Variants in KCNJ13 observed in about 807,000 individuals in gnomAD.
The protein encoded by KCNJ13 is inward rectifier potassium channel 13.
KCNJ13 carries 9 observed loss-of-function variants against 24.6 expected under a neutral mutation model. The ratio of observed to expected loss-of-function variants is 0.37; its 90% CI spans 0.22 to 0.64. The LOEUF (loss-of-function observed/expected upper bound fraction) is 0.64. Ranked by LOEUF, KCNJ13 falls within the 30% of genes least tolerant of loss-of-function variation. KCNJ13 has a pLI of 0.64. For synonymous variants in KCNJ13, 148 were observed against 154.7 expected, an observed-to-expected ratio of 0.96 and a Z score of 0.32; for missense variants, 337 against 443.8, an observed-to-expected ratio of 0.76 and a Z score of 2.16.
At position 232,766,554 on chromosome 2, in the gene KCNJ13, C is replaced by T. The variant is rs1023311119; in HGVS notation, c.*1637G>A. 6.6e-6 allele frequency: 1 copy of T among 152,392 alleles called. No individual in the cohort carries two copies. Among genetic ancestry groups the T allele is most frequent in the Non-Finnish European group, 1.5e-5 (1 of 68,238 alleles). The allele number at this position is 152,392 out of a possible 1,614,324, so 9.4% of individuals were successfully genotyped here. ...GAATTCTTGCTGTCTTTATGTGTTACAATAGTCTTGGGTTGGGAAAATCTG... is the reference window on the plus strand; with the variant it reads ...GAATTCTTGCTGTCTTTATGTGTTATAATAGTCTTGGGTTGGGAAAATCTG... On this transcript the variant is annotated 3_prime_UTR_variant, in exon 3 of 3. Coordinates refer to ENST00000233826, the MANE Select transcript of KCNJ13 (RefSeq NM_002242.4).
Position 232,766,549 on chromosome 2 carries a change from T to C in KCNJ13, c.*1642A>G, listed in dbSNP as rs1386539249. 1 of 152,558 alleles carries C rather than the reference T, an allele frequency of 6.6e-6. No individual in the cohort carries two copies. Among genetic ancestry groups the C allele is most frequent in the Admixed American group, 6.5e-5 (1 of 15,324 alleles). 9.5% of individuals were successfully genotyped at this position (152,558 alleles called of 1,614,324 possible). ...AATAAGAATTCTTGCTGTCTTTATG[T>C]GTTACAATAGTCTTGGGTTGGGAAA... On this transcript the variant is annotated 3_prime_UTR_variant, in exon 3 of 3. Transcript: ENST00000233826.
In KCNJ13 at chr2:232,768,413, G is replaced by C; in HGVS notation, c.861C>G (p.Ser287=). 6.2e-7 allele frequency: 1 copy of C among 1,614,144 alleles called. No homozygotes were observed. ...GTAACATGATTTCAGACGGTAGGTAGGATGTCCTCCTTTGGCATATTTCTC... is the reference window on the plus strand; with the variant it reads ...GTAACATGATTTCAGACGGTAGGTACGATGTCCTCCTTTGGCATATTTCTC... The part of the protein sequence containing the change: ...GTGEICQRRT[S]YLPSEIMLHH... The change falls in exon 3 of 3, where the codon TCC becomes TCG. Residue 287 remains serine, a synonymous_variant. Transcript: ENST00000233826.
chr2:232,772,090 ATTTTTG>A (rs967816876), intron 1 of KCNJ13, among the ~76,000 whole-genome samples: 13 of 152,086 alleles, frequency 8.5e-5, no homozygotes, highest in Non-Finnish European at 1.9e-4. Flanking sequence ...TAGAATTTTA[ATTTTTG>A]TTGGTACTGG....
At position 232,768,611 on chromosome 2, in the gene KCNJ13, A is replaced by G. The variant is rs754198197; in HGVS notation, c.663T>C (p.Ser221=). ...ERENGKLYQT[S]VDFHLDGISS... ...TGATGCCATCAAGGTGGAAATCCAC[A>G]CTGGTCTGGTAGAGTTTGCCATTTT... Residue 221 remains serine, a synonymous_variant, in exon 3 of 3, where the codon AGT becomes AGC. Coordinates refer to ENST00000233826, the MANE Select transcript of KCNJ13 (RefSeq NM_002242.4). 6.8e-6 allele frequency: 11 copies of G among 1,614,052 alleles called. No homozygotes were observed. In the South Asian group the frequency reaches 1.1e-4, roughly 16 times the overall value.
At position 232,774,798 on chromosome 2, in the gene KCNJ13, C is replaced by T. The variant is rs1699442278; in HGVS notation, c.-17+1647G>A. ...TCACAAAAGCTTGAGAAAGAAAAAA[C>T]TCCATGATTCTTTTGTATTTTCAAC... On this transcript the variant is annotated intron_variant, in intron 1 of 2. Coordinates refer to ENST00000233826, the MANE Select transcript of KCNJ13 (RefSeq NM_002242.4). 2.0e-5 allele frequency among the ~76,000 whole-genome samples: 3 copies of T among 152,126 alleles called. No homozygotes were observed. In the South Asian group the frequency reaches 6.2e-4, roughly 32 times the overall value.
Position 232,768,665 on chromosome 2 carries a change from C to T in KCNJ13, c.609G>A (p.Arg203=). The T allele has an allele frequency of 6.2e-7, 1 of 1,613,454 alleles. No individual in the cohort carries two copies. The highest frequency in any genetic ancestry group is 1.1e-5 in the South Asian group (1 of 91,004). ...TTTCCTGATAGAGTACAGCTGAGAC[C>T]CGGACACTGGTTAGAGGGCTAGGTC... The part of the protein sequence containing the change: ...NTRPSPLTSV[R]VSAVLYQERE... Residue 203 remains arginine, a synonymous_variant, in exon 3 of 3, where the codon CGG becomes CGA. Transcript: ENST00000233826.
chr2:232,771,704 G>C (rs1359981255), intron 1 of KCNJ13, among the ~76,000 whole-genome samples: 2 of 152,124 alleles, frequency 1.3e-5, no homozygotes, highest in African/African-American at 4.8e-5. Context: ...ACAAGTCCGG[G>C]TGTCAAGCAT....
Position 232,768,081 on chromosome 2 carries a change from A to G in KCNJ13, c.*110T>C, listed in dbSNP as rs904905317. ...TGTAGGCATAGGCATGATTACCGTG[A>G]TGTAGAGAGCTATAATTAGCATTGA... is the stretch of plus-strand genomic sequence containing the variant. On this transcript the variant is annotated 3_prime_UTR_variant, in exon 3 of 3. Coordinates refer to ENST00000233826, the MANE Select transcript of KCNJ13 (RefSeq NM_002242.4). 2 of 1,049,606 alleles carry G rather than the reference A, an allele frequency of 1.9e-6. No individual in the cohort carries two copies. The highest frequency in any genetic ancestry group is 2.9e-6 in the Non-Finnish European group (2 of 685,718). 65.0% of individuals were successfully genotyped at this position (1,049,606 alleles called of 1,614,324 possible).
chr2:232,766,612 A>G lies in KCNJ13; in HGVS notation c.*1579T>C, dbSNP rs908958050. Reference sequence around the variant, plus strand: ...GATTTCTACTTAAGAATGAATGTCTAAGATTTTCAAACAGCAAAAGTTCAC... The same window carrying G: ...GATTTCTACTTAAGAATGAATGTCTGAGATTTTCAAACAGCAAAAGTTCAC... On this transcript the variant is annotated 3_prime_UTR_variant, in exon 3 of 3. Transcript: ENST00000233826. The G allele has an allele frequency of 6.6e-6, 1 of 152,346 alleles. No homozygotes were observed. The highest frequency in any genetic ancestry group is 1.5e-5 in the Non-Finnish European group (1 of 68,136). The allele number at this position is 152,346 out of a possible 1,614,324, so 9.4% of individuals were successfully genotyped here. A position where few individuals can be genotyped will look rare whatever the true frequency, so the allele number is the denominator to read the frequency against.
At chr2:232,770,102 G>A (rs886481670) in intron 2 of KCNJ13, among the ~76,000 whole-genome samples, 4 of 152,124 alleles carry the variant, frequency 2.6e-5, no homozygotes, top group African/African-American at 9.7e-5. Flanking sequence ...CCCAGTATAG[G>A]AACTCTTGTT....
At chr2:232,771,431 G>A in intron 1 of KCNJ13, 53 bp from the exon 2 acceptor site, 4 of 1,217,666 alleles carry the variant, frequency 3.3e-6, no homozygotes, top group Non-Finnish European at 4.7e-6. Flanking sequence ...GTTAATGTTT[G>A]TGAATTTGGA....
chr2:232,771,339 A>G lies in KCNJ13; in HGVS notation c.24T>C (p.Val8=). 6.2e-7 allele frequency: 1 copy of G among 1,613,064 alleles called. No homozygotes were observed. The highest frequency in any genetic ancestry group is 1.1e-5 in the South Asian group (1 of 90,930). The part of the protein sequence containing the change: MDSSNCK[V]IAPLLSQRYR... ...ATCTTTGACTTAGGAGAGGAGCAATAACTTTGCAATTACTGCTGTCCATCT... is the reference window on the plus strand; with the variant it reads ...ATCTTTGACTTAGGAGAGGAGCAATGACTTTGCAATTACTGCTGTCCATCT... The change falls in exon 2 of 3, where the codon GTT becomes GTC. Residue 8 remains valine, a synonymous_variant. Coordinates refer to ENST00000233826, the MANE Select transcript of KCNJ13 (RefSeq NM_002242.4).
chr2:232,769,024 A>G (rs1374640820), intron 2 of KCNJ13, among the ~76,000 whole-genome samples: 1 of 152,208 alleles, frequency 6.6e-6, no homozygotes, highest in Non-Finnish European at 1.5e-5. Context: ...TGATTTCAGA[A>G]TAGATAAGCA....
At chr2:232,776,009 C>T (rs1055465301) in intron 1 of KCNJ13, among the ~76,000 whole-genome samples, 2 of 152,196 alleles carry the variant, frequency 1.3e-5, no homozygotes, top group East Asian at 1.9e-4. Flanking sequence ...TAAAAATTTA[C>T]GATTAGGATA....
chr2:232,769,375 A>G (rs33980184), intron 2 of KCNJ13, among the ~76,000 whole-genome samples: 48,001 of 151,666 alleles, frequency 0.32, 7,948 homozygotes, highest in South Asian at 0.62. Context: ...TACTAAAAAT[A>G]CAAAAATTAG....
chr2:232,768,157 G>A lies in KCNJ13; in HGVS notation c.*34C>T, dbSNP rs779138733. ...AGAAAAAGTAGCTGCATAACTGGCT[G>A]GGTGTATTTAATACATTAAAAAATG... is the stretch of plus-strand genomic sequence containing the variant. On this transcript the variant is annotated 3_prime_UTR_variant, in exon 3 of 3. Transcript: ENST00000233826. 4.0e-5 allele frequency: 64 copies of A among 1,606,788 alleles called. No individual in the cohort carries two copies. The South Asian group carries it at 6.9e-4, about 17-fold the overall frequency.
At chr2:232,770,816 T>C (rs1699212870) in intron 2 of KCNJ13, 87 bp downstream of exon 2, 12 of 872,248 alleles carry the variant, frequency 1.4e-5, no homozygotes, top group Middle Eastern at 2.2e-4. Context: ...GCATTACTTA[T>C]AACTGACTAT....
chr2:232,766,060 CCTTTT>C lies in KCNJ13; in HGVS notation c.*2126_*2130del, dbSNP rs1434249166. ...TTCCGCCCTTTTTCCATTGTTACTT[CCTTTT>C]CCTCAGAGGATAATGGTCTTTCTAT... On this transcript the variant is annotated 3_prime_UTR_variant, in exon 3 of 3. Transcript: ENST00000233826. 1 of 470,532 alleles carries C rather than the reference CCTTTT, an allele frequency of 2.1e-6. No individual in the cohort carries two copies. The highest frequency in any genetic ancestry group is 2.0e-5 in the African/African-American group (1 of 50,056). 29.1% of individuals were successfully genotyped at this position (470,532 alleles called of 1,614,324 possible).
chr2:232,768,930 G>T, intron 2 of KCNJ13, 117 bp from the exon 3 acceptor site: 1 of 872,172 alleles, frequency 1.1e-6, no homozygotes, highest in Non-Finnish European at 1.8e-6. Flanking sequence ...GCCTTTCAGT[G>T]AGTCAGGAAT....
Sources: gnomAD v4.1 joint callset for allele counts (sites outside exome capture counted in the v4.1 genomes callset) on GRCh38, gnomAD v4.1.1 for gene constraint, MANE v1.5 for transcripts, NCBI Gene and HGNC (gene_info 2026-07-23, HGNC 2026-07-21) for gene names.